The following FN1 variants were observed in gnomAD, a reference collection of about 807,000 sequenced individuals.
FN1 encodes the protein fibronectin.
In FN1, 106 loss-of-function variants were observed where a neutral mutation model predicts 297.3. The ratio of observed to expected loss-of-function variants is 0.36; its 90% CI spans 0.30 to 0.42. FN1 has a LOEUF of 0.42. FN1 is among the 10% of genes least tolerant of loss of function. The pLI is 1.00. For synonymous variants in FN1, 1,149 were observed against 1,152.6 expected, an observed-to-expected ratio of 1.00 and a Z score of 0.06; for missense variants, 2,690 against 3,124.9, an observed-to-expected ratio of 0.86 and a Z score of 3.32.
chr2:215,427,127 G>A (rs1256018516), intron 6 of FN1, among the ~76,000 whole-genome samples: 3 of 151,920 alleles, frequency 2.0e-5, no homozygotes, highest in Admixed American at 6.6e-5. Flanking sequence ...CGCCTGCCTC[G>A]GCCTCCCAAA....
intron 20 of FN1, among the ~76,000 whole-genome samples, chr2:215,401,189 GAA>G (rs2060980875): frequency 9.1e-6 from 1 of 109,610 alleles, no homozygotes; most frequent in African/African-American, 3.8e-5. Flanking sequence ...GAGTGAGAGA[GAA>G]AGAAAGAAAA....
chr2:215,366,180 G>T (rs2054573294), intron 42 of FN1, among the ~76,000 whole-genome samples: 1 of 151,856 alleles, frequency 6.6e-6, no homozygotes, highest in African/African-American at 2.4e-5. Flanking sequence ...ATTTTCTAGG[G>T]CATTTTAAGA....
chr2:215,385,643 C>A (rs2058854802), intron 28 of FN1, among the ~76,000 whole-genome samples: 1 of 151,792 alleles, frequency 6.6e-6, no homozygotes, highest in Non-Finnish European at 1.5e-5. Context: ...GGCTTGACGA[C>A]TTGAGACTAA....
At position 215,382,560 on chromosome 2, in the gene FN1, A is replaced by G. The variant is rs139816177; in HGVS notation, c.5051-235T>C. Among the ~76,000 whole-genome samples the G allele has an allele frequency of 5.8e-4, 89 of 152,340 alleles. No individual in the cohort carries two copies. The East Asian group carries it at 0.016, about 27-fold the overall frequency. On this transcript the variant is annotated intron_variant, in intron 31 of 45. Coordinates refer to ENST00000354785, the MANE Select transcript of FN1 (RefSeq NM_212482.4). ...TCAAGGATAAGATCTAAAACTTAAT[A>G]TGATGCCCCCAACAATTAGTGATAC...
intron 40 of FN1, 144 bp from the exon 41 acceptor site, chr2:215,370,576 G>A: frequency 1.4e-6 from 1 of 730,378 alleles, no homozygotes; most frequent in Non-Finnish European, 2.2e-6. Context: ...AAAGAGGGAG[G>A]GTATAGTGGT....
At chr2:215,392,186 C>G in intron 25 of FN1, 1 of 246,606 alleles carries the variant, frequency 4.1e-6, no homozygotes, top group South Asian at 5.1e-5. Context: ...CAAAGAAATA[C>G]ATGCACACAG....
intron 44 of FN1, chr2:215,364,248 T>C (rs905254021): frequency 5.8e-6 from 1 of 171,768 alleles, no homozygotes; most frequent in Non-Finnish European, 1.3e-5. Context: ...ATAACAAGCA[T>C]CTGTTCTGAA....
intron 27 of FN1, among the ~76,000 whole-genome samples, chr2:215,387,226 G>T (rs1294591346): frequency 6.6e-6 from 1 of 152,116 alleles, no homozygotes; most frequent in Non-Finnish European, 1.5e-5. Flanking sequence ...GATTTTAGGG[G>T]TTATTACAGT....
chr2:215,384,330 G>A, intron 29 of FN1, 146 bp from the exon 30 acceptor site: 1 of 765,562 alleles, frequency 1.3e-6, no homozygotes, highest in Admixed American at 2.2e-5. Flanking sequence ...TGAACAGAAA[G>A]GGGTATTTAT....
Position 215,419,235 on chromosome 2 carries a change from TACTTACTTGGATAGGTCTGTAAAGGTTGG to T in FN1, c.1797_1819+6del. 1 of 1,613,320 alleles carries T rather than the reference TACTTACTTGGATAGGTCTGTAAAGGTTGG, an allele frequency of 6.2e-7. No homozygotes were observed. The highest frequency in any genetic ancestry group is 1.7e-5 in the Admixed American group (1 of 59,978). On this transcript the variant is annotated splice_donor_variant and splice_donor_5th_base_variant and coding_sequence_variant and intron_variant, in exon 12 of 46. Coordinates refer to ENST00000354785, the MANE Select transcript of FN1 (RefSeq NM_212482.4). LOFTEE classifies it high-confidence loss of function. ...AGTTCTCAACTTGCAGTAATAGAGCTACTTACTTGGATAGGTCTGTAAAGGTTGGCAATGCCACTCCCCAATGCCACGGC... is the reference window on the plus strand; with the variant it reads ...AGTTCTCAACTTGCAGTAATAGAGCTCAATGCCACTCCCCAATGCCACGGC...
At chr2:215,365,375 TTAAGAA>T (rs1257105423) in intron 43 of FN1, 124 bp downstream of exon 43, 18 of 1,005,722 alleles carry the variant, frequency 1.8e-5, no homozygotes, top group Non-Finnish European at 2.0e-5. Context: ...AATCAAAAGA[TTAAGAA>T]ACCCACTGTT....
At chr2:215,371,371 T>C (rs2056059114) in intron 40 of FN1, among the ~76,000 whole-genome samples, 1 of 152,108 alleles carries the variant, frequency 6.6e-6, no homozygotes, top group Non-Finnish European at 1.5e-5. Flanking sequence ...TGTTTTTTTT[T>C]TTCTTTAGAT....
chr2:215,389,790 AAAAAC>A (rs147568318), intron 26 of FN1, among the ~76,000 whole-genome samples: 14 of 151,396 alleles, frequency 9.2e-5, no homozygotes, highest in African/African-American at 2.4e-4. Flanking sequence ...ACTCCGTCTC[AAAAAC>A]AAAACAAAAC....
intron 21 of FN1, among the ~76,000 whole-genome samples, chr2:215,398,971 C>T (rs2060646149): frequency 6.6e-6 from 1 of 152,132 alleles, no homozygotes; most frequent in Non-Finnish European, 1.5e-5. Context: ...AATGTAATTC[C>T]CTGCAGGAAA....
At chr2:215,428,143 T>A in intron 6 of FN1, 37 bp downstream of exon 6, 1 of 1,612,088 alleles carries the variant, frequency 6.2e-7, no homozygotes, top group Non-Finnish European at 8.5e-7. Context: ...CTTGACCTGC[T>A]TCCCCATTTC....
At chr2:215,395,023 CA>C (rs2060150815) in intron 23 of FN1, among the ~76,000 whole-genome samples, 1 of 152,154 alleles carries the variant, frequency 6.6e-6, no homozygotes, top group Non-Finnish European at 1.5e-5. Flanking sequence ...AATCTTGAAC[CA>C]GGGGAGTGAT....
intron 3 of FN1, among the ~76,000 whole-genome samples, chr2:215,433,017 C>G (rs947496279): frequency 9.2e-5 from 14 of 152,286 alleles, no homozygotes; most frequent in African/African-American, 3.4e-4. Flanking sequence ...GGCAACTCCC[C>G]TAAGCATGTC....
chr2:215,365,783 TTTTA>T (rs890805633), intron 42 of FN1, 153 bp from the exon 43 acceptor site: 9 of 432,688 alleles, frequency 2.1e-5, no homozygotes, highest in South Asian at 5.3e-5. Flanking sequence ...GGGCCATTTA[TTTTA>T]TTTATTTATT....
intron 44 of FN1, chr2:215,364,544 G>A: frequency 2.5e-6 from 1 of 394,928 alleles, no homozygotes; most frequent in South Asian, 2.5e-5. Flanking sequence ...AGTGTAAATA[G>A]TATCTCTGAC....
Sources: gnomAD v4.1 joint callset for allele counts (sites outside exome capture counted in the v4.1 genomes callset) on GRCh38, gnomAD v4.1.1 for gene constraint, MANE v1.5 for transcripts, NCBI Gene and HGNC (gene_info 2026-07-23, HGNC 2026-07-21) for gene names.